The following AQP9 variants were observed in gnomAD, a reference collection of about 807,000 sequenced individuals.
AQP9 encodes the protein aquaporin 9.
A neutral mutation model predicts 23.8 loss-of-function variants in AQP9; 19 were observed. That is an observed-to-expected ratio of 0.80 (90% CI 0.56 to 1.17). AQP9 has a LOEUF of 1.17. Ranked by LOEUF, AQP9 falls within the 50% of genes most tolerant of loss-of-function variation. The pLI, the probability that AQP9 is intolerant of heterozygous loss-of-function variation, is 0.00. For synonymous variants in AQP9, 153 were observed against 131.5 expected, an observed-to-expected ratio of 1.16 and a Z score of -1.12; for missense variants, 413 against 362.0, an observed-to-expected ratio of 1.14 and a Z score of -1.14.
intron 5 of AQP9, among the ~76,000 whole-genome samples, chr15:58,181,877 C>A (rs927897500): frequency 1.3e-5 from 2 of 152,108 alleles, no homozygotes; most frequent in Non-Finnish European, 2.9e-5. Flanking sequence ...CTCCCCAAAA[C>A]CTTTGAGGGA....
chr15:58,148,592 C>T (rs1898091861), intron 1 of AQP9, among the ~76,000 whole-genome samples: 1 of 152,218 alleles, frequency 6.6e-6, no homozygotes, highest in Non-Finnish European at 1.5e-5. Context: ...ACACAGCCCA[C>T]TCAGAGTCAC....
In AQP9 at chr15:58,175,003, GTATC is replaced by G; in HGVS notation, c.468_471del (p.Ser157TrpfsTer13). On this transcript the variant is annotated frameshift_variant, in exon 4 of 6. Coordinates refer to ENST00000219919, the MANE Select transcript of AQP9 (RefSeq NM_020980.5). LOFTEE classifies it high-confidence loss of function. ...ACATTTTTGCAACATACCCAGCTCC[GTATC>G]TATCTCTGGCGAACGCATTTGCAGA... is the stretch of plus-strand genomic sequence containing the variant. The G allele has an allele frequency of 6.2e-7, 1 of 1,614,136 alleles. No homozygotes were observed. The highest frequency in any genetic ancestry group is 1.1e-5 in the South Asian group (1 of 91,088).
chr15:58,155,252 T>C (rs2140600518), intron 1 of AQP9: 1 of 152,296 alleles, frequency 6.6e-6, no homozygotes, highest in Non-Finnish European at 1.5e-5. Flanking sequence ...TTCCTACACA[T>C]TGGCCAAAGC....
upstream of AQP9, chr15:58,138,356 TAGC>T: frequency 2.2e-6 from 1 of 452,258 alleles, no homozygotes; most frequent in African/African-American, 2.0e-5. Flanking sequence ...TTCAAACAAA[TAGC>T]AGCGAACAGG....
intron 3 of AQP9, 115 bp from the exon 4 acceptor site, chr15:58,174,803 A>G (rs759256882): frequency 1.2e-6 from 1 of 810,120 alleles, no homozygotes; most frequent in African/African-American, 1.7e-5. Flanking sequence ...GAGACAAATG[A>G]CATGGCTATG....
At chr15:58,172,195 C>T (rs1051048158) in intron 2 of AQP9, among the ~76,000 whole-genome samples, 1 of 152,180 alleles carries the variant, frequency 6.6e-6, no homozygotes, top group African/African-American at 2.4e-5. Context: ...CCTTAAGAAA[C>T]TTACTTTCCG....
Position 58,138,665 on chromosome 15 carries a change from T to G in AQP9, c.100T>G (p.Phe34Val), listed in dbSNP as rs1313232545. 1 of 1,613,554 alleles carries G rather than the reference T, an allele frequency of 6.2e-7. No homozygotes were observed. ...AACCCTCTCTGAGTTCTTGGGCACG[T>G]TCATCTTGATTGTAAGTATTTCCTG... The part of the protein sequence containing the change: ...KETLSEFLGT[F>V]ILIVLGCGCV... Residue 34 changes from phenylalanine (F) to valine (V), a missense_variant, in exon 1 of 6, where the codon TTC (phenylalanine) becomes GTC (valine). Coordinates refer to ENST00000219919, the MANE Select transcript of AQP9 (RefSeq NM_020980.5).
intron 2 of AQP9, among the ~76,000 whole-genome samples, chr15:58,167,366 A>C (rs941618880): frequency 3.9e-5 from 6 of 152,230 alleles, no homozygotes; most frequent in Admixed American, 2.0e-4. Flanking sequence ...GCACTTAGGA[A>C]GCGACTGTGG....
rs188596847 is a variant in AQP9, at chr15:58,183,027, G to A, written c.714-934G>A. Among the ~76,000 whole-genome samples, 342 of 152,264 alleles carry A rather than the reference G, an allele frequency of 2.2e-3. 1 individual carries two copies. The highest frequency in any genetic ancestry group is 7.8e-3 in the African/African-American group (325 of 41,552). ...ACAAAAGGCCACATGGAACATATGT[G>A]TAGTTATTCAGCATAATGATGAAAA... On this transcript the variant is annotated intron_variant, in intron 5 of 5. Transcript: ENST00000219919.
chr15:58,166,550 T>G, intron 1 of AQP9, 123 bp from the exon 2 acceptor site: 1 of 1,277,886 alleles, frequency 7.8e-7, no homozygotes, highest in Middle Eastern at 2.0e-4. Context: ...ATAATTTGAT[T>G]TGTATAAAAC....
chr15:58,170,018 G>T (rs984991747), intron 2 of AQP9, among the ~76,000 whole-genome samples: 7 of 152,156 alleles, frequency 4.6e-5, no homozygotes, highest in Non-Finnish European at 1.0e-4. Flanking sequence ...TGCCCTGTGG[G>T]ATCCAGCTGT....
rs1363140660 is a variant in AQP9, at chr15:58,185,225, A to C, written c.*1090A>C. 1 of 152,652 alleles carries C rather than the reference A, an allele frequency of 6.6e-6. No individual in the cohort carries two copies. The highest frequency in any genetic ancestry group is 2.4e-5 in the African/African-American group (1 of 41,468). 9.5% of individuals were successfully genotyped at this position (152,652 alleles called of 1,614,324 possible). On this transcript the variant is annotated 3_prime_UTR_variant, in exon 6 of 6. Coordinates refer to ENST00000219919, the MANE Select transcript of AQP9 (RefSeq NM_020980.5). Reference sequence around the variant, plus strand: ...AAGAAACAAAATCTTAGGGAAGATAAGTTGAGTTGTCCAAGAGCACACTGA... The same window carrying C: ...AAGAAACAAAATCTTAGGGAAGATACGTTGAGTTGTCCAAGAGCACACTGA...
chr15:58,142,743 C>T (rs1897972943), intron 1 of AQP9, among the ~76,000 whole-genome samples: 1 of 152,216 alleles, frequency 6.6e-6, no homozygotes, highest in African/African-American at 2.4e-5. Flanking sequence ...TGCTTTCTGG[C>T]TCAACAGCCA....
chr15:58,162,963 A>G (rs1283147818), intron 1 of AQP9, among the ~76,000 whole-genome samples: 1 of 152,208 alleles, frequency 6.6e-6, no homozygotes. Context: ...TGAATTCTTC[A>G]GTGCTGGATA....
At chr15:58,170,117 C>T (rs1275800675) in intron 2 of AQP9, among the ~76,000 whole-genome samples, 1 of 152,146 alleles carries the variant, frequency 6.6e-6, no homozygotes, top group Non-Finnish European at 1.5e-5. Context: ...GACTCTAGTT[C>T]TCATGTTCTT....
In AQP9 at chr15:58,138,673, G is replaced by T; in HGVS notation, c.108G>T (p.Leu36Phe). 2.5e-6 allele frequency: 4 copies of T among 1,613,392 alleles called. No individual in the cohort carries two copies. The highest frequency in any genetic ancestry group is 2.5e-6 in the Non-Finnish European group (3 of 1,179,446). Residue 36 changes from leucine (L) to phenylalanine (F), a missense_variant, in exon 1 of 6, where the codon TTG (leucine) becomes TTT (phenylalanine). Physicochemically the swap from Leu to Phe is conservative, Grantham distance 22 (BLOSUM62 0). Coordinates refer to ENST00000219919, the MANE Select transcript of AQP9 (RefSeq NM_020980.5). ...TLSEFLGTFILIVLGCGCVAQ... is the reference protein window; with the variant it reads ...TLSEFLGTFIFIVLGCGCVAQ... ...CTGAGTTCTTGGGCACGTTCATCTTGATTGTAAGTATTTCCTGATTTCCTA... is the reference window on the plus strand; with the variant it reads ...CTGAGTTCTTGGGCACGTTCATCTTTATTGTAAGTATTTCCTGATTTCCTA...
At position 58,138,518 on chromosome 15, in the gene AQP9, CA is replaced by C. The variant is rs1273340673; in HGVS notation, c.-46del. 1.3e-6 allele frequency: 2 copies of C among 1,499,108 alleles called. No homozygotes were observed. Among genetic ancestry groups the C allele is most frequent in the African/African-American group, 2.8e-5 (2 of 71,666 alleles). 92.9% of individuals were successfully genotyped at this position (1,499,108 alleles called of 1,614,324 possible). A position where few individuals can be genotyped will look rare whatever the true frequency, so the allele number is the denominator to read the frequency against. Reference sequence around the variant, plus strand: ...CATCTGGCTGTGAAAGTGAGGACCACAACAGGTAGGTATTGGTAGAAACAGG... The same window carrying C: ...CATCTGGCTGTGAAAGTGAGGACCACACAGGTAGGTATTGGTAGAAACAGG... On this transcript the variant is annotated 5_prime_UTR_variant, in exon 1 of 6. Transcript: ENST00000219919.
At chr15:58,156,216 A>G (rs1898256182) in intron 1 of AQP9, among the ~76,000 whole-genome samples, 1 of 152,208 alleles carries the variant, frequency 6.6e-6, no homozygotes, top group African/African-American at 2.4e-5. Context: ...GTTTTTCAGC[A>G]CACACTTTAA....
chr15:58,165,825 G>A (rs1285790742), intron 1 of AQP9, among the ~76,000 whole-genome samples: 1 of 152,200 alleles, frequency 6.6e-6, no homozygotes, highest in Non-Finnish European at 1.5e-5. Flanking sequence ...CTGTGCAACT[G>A]TTTGCAGAAT....
Sources: allele counts gnomAD v4.1 joint callset (sites outside exome capture counted in the v4.1 genomes callset), GRCh38; gene constraint gnomAD v4.1.1; transcripts MANE v1.5; gene names NCBI Gene and HGNC (gene_info 2026-07-23, HGNC 2026-07-21).